SUMF1: variants seen among roughly 807,000 people sequenced by gnomAD.
SUMF1 encodes the protein formylglycine-generating enzyme.
A neutral mutation model predicts 47.6 loss-of-function variants in SUMF1; 48 were observed. The ratio of observed to expected loss-of-function variants is 1.01; its 90% CI spans 0.80 to 1.28. The LOEUF is 1.28. SUMF1 is among the 50% of genes most tolerant of loss of function. The pLI is 0.00. For missense variants in SUMF1, 571 were observed against 485.4 expected (o/e 1.18, Z -1.66); for synonymous variants, 230 against 192.1 (o/e 1.20, Z -1.63).
intron 8 of SUMF1, among the ~76,000 whole-genome samples, chr3:4,076,859 A>C (rs1368525841): frequency 6.6e-6 from 1 of 151,696 alleles, no homozygotes; most frequent in Non-Finnish European, 1.5e-5. Flanking sequence ...AAAAAATTAG[A>C]CAGGTGTGGT....
In SUMF1 at chr3:4,087,835, G is replaced by A. The variant is rs149091669; in HGVS notation, c.1015-19090C>T. 1.1e-4 allele frequency among the ~76,000 whole-genome samples: 16 copies of A among 152,130 alleles called. 1 individual carries two copies. In the East Asian group the frequency reaches 3.1e-3, roughly 29 times the overall value. On this transcript the variant is annotated intron_variant and NMD_transcript_variant, in intron 8 of 12. Coordinates refer to the SUMF1 transcript ENST00000448413. Reference sequence around the variant, plus strand: ...GAATGAAATGTAATAATAATCATGAGATTCTAAACTGCATTTTATACTTCA... The same window carrying A: ...GAATGAAATGTAATAATAATCATGAAATTCTAAACTGCATTTTATACTTCA...
At chr3:4,178,460 T>G (rs921698187) in intron 8 of SUMF1, among the ~76,000 whole-genome samples, 2 of 152,204 alleles carry the variant, frequency 1.3e-5, no homozygotes, top group Non-Finnish European at 2.9e-5. Context: ...TCTCAATAGA[T>G]GCAGAAAAGG....
At chr3:4,383,112 C>G (rs981192263) in intron 7 of SUMF1, among the ~76,000 whole-genome samples, 2 of 151,886 alleles carry the variant, frequency 1.3e-5, no homozygotes, top group African/African-American at 4.8e-5. Flanking sequence ...GGCGCAGTGG[C>G]TCATGCCTAT....
At chr3:4,212,588 G>C (rs1574983275) in intron 8 of SUMF1, among the ~76,000 whole-genome samples, 1 of 152,280 alleles carries the variant, frequency 6.6e-6, no homozygotes, top group African/African-American at 2.4e-5. Context: ...GTAAGCTTTA[G>C]AAGGTGGTAA....
chr3:4,071,029 G>C (rs967959130), intron 8 of SUMF1, among the ~76,000 whole-genome samples: 4 of 152,126 alleles, frequency 2.6e-5, no homozygotes, highest in African/African-American at 9.6e-5. Context: ...ATTTAGCTTT[G>C]TGTAGTATTT....
chr3:4,198,331 G>A (rs1247742638), intron 8 of SUMF1, among the ~76,000 whole-genome samples: 2 of 152,026 alleles, frequency 1.3e-5, no homozygotes, highest in Non-Finnish European at 2.9e-5. Flanking sequence ...AGAAGGAAAT[G>A]GGAACTCTGC....
intron 2 of SUMF1, among the ~76,000 whole-genome samples, chr3:4,450,135 C>T (rs923201923): frequency 3.9e-5 from 6 of 152,172 alleles, no homozygotes; most frequent in African/African-American, 1.2e-4. Flanking sequence ...TTGCTGCTCC[C>T]CAACACCAGA....
chr3:4,247,498 G>A (rs1314229820), intron 8 of SUMF1, among the ~76,000 whole-genome samples: 2 of 152,094 alleles, frequency 1.3e-5, no homozygotes, highest in Non-Finnish European at 2.9e-5. Flanking sequence ...GAATCATTCA[G>A]GAAATCTGAT....
At chr3:4,303,441 C>T in intron 8 of SUMF1, 1 of 1,551,026 alleles carries the variant, frequency 6.4e-7, no homozygotes, top group East Asian at 2.7e-5. Context: ...CCTGAGGCCC[C>T]GACTGAGCAG....
chr3:4,314,125 G>A (rs966115221), intron 8 of SUMF1: 6 of 298,734 alleles, frequency 2.0e-5, no homozygotes, highest in Non-Finnish European at 3.7e-5. Flanking sequence ...ACCCCAGGAT[G>A]ACCCTGGGAA....
intron 8 of SUMF1, among the ~76,000 whole-genome samples, chr3:4,133,493 G>A (rs1231082841): frequency 6.6e-6 from 1 of 152,108 alleles, no homozygotes; most frequent in Admixed American, 6.6e-5. Context: ...CTGTGAGGGT[G>A]TTGCTGAAGG....
chr3:4,231,176 A>T (rs946665685), intron 8 of SUMF1, among the ~76,000 whole-genome samples: 2 of 152,130 alleles, frequency 1.3e-5, no homozygotes, highest in African/African-American at 4.8e-5. Context: ...AGCTAGGCAC[A>T]ATCGAGTTTT....
At chr3:4,077,727 G>T (rs187831462) in intron 8 of SUMF1, among the ~76,000 whole-genome samples, 1 of 151,864 alleles carries the variant, frequency 6.6e-6, no homozygotes, top group African/African-American at 2.4e-5. Flanking sequence ...CATGGGTGCC[G>T]CAAACCAACA....
At chr3:4,168,887 C>A (rs1179840434) in intron 8 of SUMF1, among the ~76,000 whole-genome samples, 1 of 152,164 alleles carries the variant, frequency 6.6e-6, no homozygotes, top group Admixed American at 6.5e-5. Flanking sequence ...TCCATCTAAA[C>A]TCTGGACATT....
chr3:4,422,319 TCTACC>T (rs1701924667), intron 3 of SUMF1, among the ~76,000 whole-genome samples: 1 of 152,140 alleles, frequency 6.6e-6, no homozygotes, highest in Non-Finnish European at 1.5e-5. Context: ...TTCTTCCAAC[TCTACC>T]CTGTCCCCAA....
chr3:4,151,422 T>TAC (rs1336248999), intron 8 of SUMF1, among the ~76,000 whole-genome samples: 8 of 45,998 alleles, frequency 1.7e-4, no homozygotes, highest in African/African-American at 8.5e-4. Context: ...TGTATATATG[T>TAC]GTATACATGT....
chr3:4,245,840 C>T (rs941701375), intron 8 of SUMF1, among the ~76,000 whole-genome samples: 4 of 152,176 alleles, frequency 2.6e-5, no homozygotes, highest in African/African-American at 9.7e-5. Context: ...ATATGCCCTG[C>T]CCCTAGAGGT....
chr3:4,455,474 G>A (rs917265701), intron 1 of SUMF1, among the ~76,000 whole-genome samples: 1 of 152,214 alleles, frequency 6.6e-6, no homozygotes, highest in Non-Finnish European at 1.5e-5. Context: ...CTAGCACTTT[G>A]GGAGGCCGAG....
rs1157564563 is a variant in SUMF1, at chr3:4,452,902, C to G, written c.418G>C (p.Val140Leu). 6.2e-7 allele frequency: 1 copy of G among 1,614,204 alleles called. No homozygotes were observed. Among genetic ancestry groups the G allele is most frequent in the East Asian group, 2.2e-5 (1 of 44,888 alleles). ...EVSNTEFEKF[V>L]NSTGYLTEAE... is the part of the protein sequence containing the mutation. The stretch of plus-strand genomic sequence containing the variant: ...TCTGTCAAATAGCCAGTTGAGTTCA[C>G]AAACTTCTCAAATTCAGTATTACTG... Residue 140 changes from valine to leucine, a missense_variant, in exon 2 of 9, where the codon GTG (valine) becomes CTG (leucine). Coordinates refer to ENST00000272902, the MANE Select transcript of SUMF1 (RefSeq NM_182760.4).
Sources: gnomAD v4.1 joint callset for allele counts (sites outside exome capture counted in the v4.1 genomes callset) on GRCh38, gnomAD v4.1.1 for gene constraint, MANE v1.5 for transcripts, NCBI Gene and HGNC (gene_info 2026-07-23, HGNC 2026-07-21) for gene names.